TAOK3: variants seen among roughly 807,000 people sequenced by gnomAD.
The protein encoded by TAOK3 is serine/threonine-protein kinase TAO3.
A neutral mutation model predicts 120.4 loss-of-function variants in TAOK3; 40 were observed. The observed-to-expected ratio is 0.33, with a 90% CI of 0.26 to 0.43. The LOEUF is 0.43. Among genes scored for constraint, TAOK3 ranks in the 20% least tolerant of loss-of-function variants. The probability of loss-of-function intolerance (pLI) is 1.00; values close to 1 mark genes in which losing one functional copy is unlikely to be tolerated. For synonymous variants in TAOK3, 355 were observed against 387.5 expected (o/e 0.92, Z 0.99); for missense variants, 821 against 1,112.1 (o/e 0.74, Z 3.72).
At chr12:118,181,923 G>A (rs952610959) in intron 14 of TAOK3, among the ~76,000 whole-genome samples, 11 of 152,172 alleles carry the variant, frequency 7.2e-5, no homozygotes, top group African/African-American at 2.2e-4. Flanking sequence ...GATGGCTTAC[G>A]CCTGTAATCC....
intron 14 of TAOK3, among the ~76,000 whole-genome samples, chr12:118,182,619 A>ATTT (rs1468532462): frequency 1.1e-4 from 10 of 94,824 alleles, no homozygotes; most frequent in Non-Finnish European, 1.4e-4. Context: ...ATATATATAT[A>ATTT]TATATTTTTT....
At chr12:118,166,814 G>GTGTGTATA (rs1555210445) in intron 17 of TAOK3, among the ~76,000 whole-genome samples, 1 of 138,982 alleles carries the variant, frequency 7.2e-6, no homozygotes, top group Non-Finnish European at 1.5e-5. Flanking sequence ...GTGTGTGTGT[G>GTGTGTATA]TATATATATA....
chr12:118,267,033 T>C (rs2140276322), intron 1 of TAOK3, among the ~76,000 whole-genome samples: 1 of 152,298 alleles, frequency 6.6e-6, no homozygotes, highest in East Asian at 1.9e-4. Context: ...GGTAACTTAA[T>C]GGAGATTACC....
intron 11 of TAOK3, among the ~76,000 whole-genome samples, chr12:118,202,581 C>T (rs1165732183): frequency 6.6e-6 from 1 of 152,006 alleles, no homozygotes; most frequent in Non-Finnish European, 1.5e-5. Flanking sequence ...GGTGATACCT[C>T]ATTGTGGTTT....
chr12:118,154,852 G>A (rs1044175557), intron 19 of TAOK3, among the ~76,000 whole-genome samples: 64 of 152,192 alleles, frequency 4.2e-4, no homozygotes, highest in African/African-American at 1.4e-3. Context: ...GCATACAGGC[G>A]CACAGGATTC....
At chr12:118,169,335 T>A (rs1243408361) in intron 17 of TAOK3, among the ~76,000 whole-genome samples, 1 of 97,322 alleles carries the variant, frequency 1.0e-5, no homozygotes, top group African/African-American at 4.2e-5. Flanking sequence ...CCTTTTTTTT[T>A]AAAGACAGTC....
chr12:118,257,898 T>C (rs1012048542), intron 2 of TAOK3, among the ~76,000 whole-genome samples: 9 of 152,160 alleles, frequency 5.9e-5, no homozygotes, highest in African/African-American at 2.2e-4. Context: ...GGAGGTAGAA[T>C]GGGATGTAGT....
intron 1 of TAOK3, among the ~76,000 whole-genome samples, chr12:118,291,508 A>C (rs1489662222): frequency 2.0e-5 from 3 of 152,166 alleles, no homozygotes; most frequent in Non-Finnish European, 2.9e-5. Flanking sequence ...TTTGTAAAGC[A>C]AGTAACCATT....
At position 118,214,089 on chromosome 12, in the gene TAOK3, A is replaced by T; in HGVS notation, c.665T>A (p.Phe222Tyr). ...IELAERKPPL[F>Y]NMNAMSALYH... ...TAAGGCACTCATTGCATTCATGTTG[A>T]AAAGGGGCGGCTTCCGTTCCGCTGG... Residue 222 changes from phenylalanine (F) to tyrosine (Y), a missense_variant, in exon 10 of 21, where the codon TTC becomes TAC. Physicochemically the swap from Phe to Tyr is conservative, Grantham distance 22. Transcript: ENST00000392533. The T allele has an allele frequency of 6.2e-7, 1 of 1,610,016 alleles. No homozygotes were observed. The highest frequency in any genetic ancestry group is 2.2e-5 in the East Asian group (1 of 44,684).
chr12:118,259,840 C>T (rs1011658343), intron 2 of TAOK3, among the ~76,000 whole-genome samples: 1 of 152,054 alleles, frequency 6.6e-6, no homozygotes, highest in East Asian at 1.9e-4. Flanking sequence ...AGCAGAGAAA[C>T]AAGATATGGA....
chr12:118,243,254 C>A (rs2040332792), intron 5 of TAOK3, among the ~76,000 whole-genome samples, 161 bp downstream of exon 5: 1 of 151,532 alleles, frequency 6.6e-6, no homozygotes, highest in Middle Eastern at 3.4e-3. Flanking sequence ...AGAATATATA[C>A]CAAGTGACAC....
intron 1 of TAOK3, among the ~76,000 whole-genome samples, chr12:118,324,667 G>A (rs1344986431): frequency 6.7e-6 from 1 of 150,168 alleles, no homozygotes; most frequent in Non-Finnish European, 1.5e-5. Context: ...TCTGTGCCTG[G>A]CTTATTTCAC....
intron 2 of TAOK3, among the ~76,000 whole-genome samples, chr12:118,258,396 A>G (rs1309919308): frequency 6.6e-6 from 1 of 152,164 alleles, no homozygotes; most frequent in African/African-American, 2.4e-5. Context: ...TTTGTCAATC[A>G]GGTAAATGAA....
chr12:118,320,582 T>C (rs968028515), intron 1 of TAOK3, among the ~76,000 whole-genome samples: 2 of 152,208 alleles, frequency 1.3e-5, no homozygotes, highest in South Asian at 2.1e-4. Context: ...ATAGTTATGA[T>C]TGATTGGACA....
chr12:118,197,129 T>C (rs2037770028), intron 13 of TAOK3, among the ~76,000 whole-genome samples: 1 of 152,214 alleles, frequency 6.6e-6, no homozygotes, highest in Non-Finnish European at 1.5e-5. Flanking sequence ...CATGAAAAGA[T>C]ACCATATCTT....
At chr12:118,172,695 C>G (rs1221671416) in intron 16 of TAOK3, 35 bp from the exon 17 acceptor site, 1 of 1,582,780 alleles carries the variant, frequency 6.3e-7, no homozygotes, top group Admixed American at 1.7e-5. Flanking sequence ...GCCAGCCTTA[C>G]TAAATGAAAG....
At chr12:118,321,600 T>G (rs1014214269) in intron 1 of TAOK3, among the ~76,000 whole-genome samples, 1 of 152,178 alleles carries the variant, frequency 6.6e-6, no homozygotes, top group Non-Finnish European at 1.5e-5. Context: ...ACTAGTCATT[T>G]TGCCTTCGAC....
intron 16 of TAOK3, among the ~76,000 whole-genome samples, chr12:118,175,490 G>T (rs2036266931): frequency 1.3e-5 from 2 of 152,114 alleles, no homozygotes; most frequent in African/African-American, 4.8e-5. Flanking sequence ...AGCTGGGCAT[G>T]GTGGTGCACG....
chr12:118,159,254 T>TTAGTTAG (rs1336072702), intron 19 of TAOK3, among the ~76,000 whole-genome samples: 1 of 152,082 alleles, frequency 6.6e-6, no homozygotes, highest in Non-Finnish European at 1.5e-5. Context: ...CTAGACGAGC[T>TTAGTTAG]TAGTTAGTCC....
Sources: allele counts gnomAD v4.1 joint callset (sites outside exome capture counted in the v4.1 genomes callset), GRCh38; gene constraint gnomAD v4.1.1; transcripts MANE v1.5; gene names NCBI Gene and HGNC (gene_info 2026-07-23, HGNC 2026-07-21).